The following TCERG1L variants were observed in gnomAD, a reference collection of about 807,000 sequenced individuals.
TCERG1L encodes the protein transcription elongation regulator 1 like.
A neutral mutation model predicts 56.3 loss-of-function variants in TCERG1L; 37 were observed. The observed-to-expected ratio is 0.66, with a 90% CI of 0.51 to 0.87. The LOEUF is 0.87. TCERG1L is among the 40% of genes least tolerant of loss of function. The pLI is 0.00. For synonymous variants in TCERG1L, 324 were observed against 326.3 expected, an observed-to-expected ratio of 0.99 and a Z score of 0.08; for missense variants, 799 against 774.2, an observed-to-expected ratio of 1.03 and a Z score of -0.38.
At chr10:131,183,089 G>A (rs1317033406) in intron 4 of TCERG1L, among the ~76,000 whole-genome samples, 3 of 152,136 alleles carry the variant, frequency 2.0e-5, no homozygotes, top group African/African-American at 4.8e-5. Context: ...CCTCTGCCAA[G>A]GCCAGCCCCG....
intron 4 of TCERG1L, among the ~76,000 whole-genome samples, chr10:131,170,141 A>G (rs541964898): frequency 5.4e-4 from 82 of 152,120 alleles, no homozygotes; most frequent in African/African-American, 1.8e-3. Context: ...ACAGTCATTG[A>G]TTTTGCAGGT....
chr10:131,157,918 A>G (rs1417436749), intron 6 of TCERG1L, among the ~76,000 whole-genome samples: 3 of 152,266 alleles, frequency 2.0e-5, no homozygotes, highest in South Asian at 4.1e-4. Flanking sequence ...GAACTTCGAC[A>G]CCATTTTCAA....
intron 4 of TCERG1L, among the ~76,000 whole-genome samples, chr10:131,225,250 C>T (rs1304087236): frequency 6.6e-6 from 1 of 152,124 alleles, no homozygotes; most frequent in Non-Finnish European, 1.5e-5. Flanking sequence ...TAGGATGGGC[C>T]CTACAAACCA....
chr10:131,101,464 G>C (rs1845303226), intron 10 of TCERG1L, among the ~76,000 whole-genome samples: 1 of 152,250 alleles, frequency 6.6e-6, no homozygotes, highest in Non-Finnish European at 1.5e-5. Flanking sequence ...AGGTATCCAT[G>C]GCACAGAGAG....
chr10:131,156,894 C>T (rs374579913), intron 6 of TCERG1L, among the ~76,000 whole-genome samples: 3 of 152,118 alleles, frequency 2.0e-5, no homozygotes, highest in Non-Finnish European at 2.9e-5. Context: ...TGCCCCTGGC[C>T]GAATAAACCC....
chr10:131,208,192 G>A (rs1046987513), intron 4 of TCERG1L, among the ~76,000 whole-genome samples: 5 of 152,192 alleles, frequency 3.3e-5, no homozygotes, highest in African/African-American at 1.2e-4. Context: ...GAGCCAAAGC[G>A]GTTCCTCCAG....
At chr10:131,157,410 T>C (rs989166045) in intron 6 of TCERG1L, among the ~76,000 whole-genome samples, 5 of 152,256 alleles carry the variant, frequency 3.3e-5, no homozygotes, top group Non-Finnish European at 7.3e-5. Flanking sequence ...AAGATGTTGA[T>C]TAATCATTGT....
chr10:131,102,809 C>T (rs1322456814), intron 10 of TCERG1L, among the ~76,000 whole-genome samples: 1 of 152,122 alleles, frequency 6.6e-6, no homozygotes, highest in Non-Finnish European at 1.5e-5. Flanking sequence ...ATCCACGGGC[C>T]ACACAAACCC....
At chr10:131,107,765 CACAT>C (rs757309241) in intron 9 of TCERG1L, among the ~76,000 whole-genome samples, 14 of 152,220 alleles carry the variant, frequency 9.2e-5, no homozygotes, top group East Asian at 1.9e-4. Flanking sequence ...ACACACACCA[CACAT>C]ACAAACATCC....
intron 4 of TCERG1L, among the ~76,000 whole-genome samples, chr10:131,206,106 A>C (rs1483805112): frequency 6.6e-6 from 1 of 152,252 alleles, no homozygotes; most frequent in Non-Finnish European, 1.5e-5. Flanking sequence ...CCCAGGCGGG[A>C]GAACTGGCTG....
At chr10:131,130,208 G>C (rs776854006) in intron 8 of TCERG1L, among the ~76,000 whole-genome samples, 41 of 152,132 alleles carry the variant, frequency 2.7e-4, no homozygotes, top group Non-Finnish European at 5.7e-4. Context: ...GTGTGCGTGG[G>C]AACTCTCCTT....
rs117247985 is a variant in TCERG1L, at chr10:131,187,102, G to A, written c.857-20217C>T. Reference sequence around the variant, plus strand: ...CCTGTACAACAAGGCAAGTCTGCCAGAGCTGGCATGAGCTCCGAGGGAAAT... The same window carrying A: ...CCTGTACAACAAGGCAAGTCTGCCAAAGCTGGCATGAGCTCCGAGGGAAAT... On this transcript the variant is annotated intron_variant, in intron 4 of 11. Coordinates refer to ENST00000368642, the MANE Select transcript of TCERG1L (RefSeq NM_174937.4). Among the ~76,000 whole-genome samples, 1,100 of 152,310 alleles carry A rather than the reference G, an allele frequency of 7.2e-3. 29 individuals are homozygous for A. In the South Asian group the frequency reaches 0.094, roughly 13 times the overall value.
At chr10:131,296,064 CTTT>C (rs1242211390) in intron 3 of TCERG1L, among the ~76,000 whole-genome samples, 5 of 151,544 alleles carry the variant, frequency 3.3e-5, no homozygotes, top group Non-Finnish European at 7.4e-5. Context: ...CTTTTTTCTG[CTTT>C]TTTATTTTAT....
chr10:131,244,207 C>T (rs1033631159), intron 4 of TCERG1L, among the ~76,000 whole-genome samples: 4 of 152,036 alleles, frequency 2.6e-5, no homozygotes, highest in Non-Finnish European at 5.9e-5. Context: ...GGGCAGGAGG[C>T]CCTTGCTCAT....
At chr10:131,289,478 AGTGT>A (rs371558798) in intron 3 of TCERG1L, among the ~76,000 whole-genome samples, 5,630 of 129,020 alleles carry the variant, frequency 0.044, 138 homozygotes, top group African/African-American at 0.065. Context: ...TGTGTGTGTG[AGTGT>A]ATGTGTGCAC....
chr10:131,255,367 CA>C (rs1257816426), intron 4 of TCERG1L, among the ~76,000 whole-genome samples: 1 of 152,220 alleles, frequency 6.6e-6, no homozygotes, highest in Non-Finnish European at 1.5e-5. Context: ...GTGAAATTAA[CA>C]AAAACTAAAG....
chr10:131,274,625 A>C (rs1389015392), intron 3 of TCERG1L, among the ~76,000 whole-genome samples: 1 of 152,114 alleles, frequency 6.6e-6, no homozygotes, highest in Non-Finnish European at 1.5e-5. Context: ...CCCCAGCGCG[A>C]GGCATTGCTG....
intron 9 of TCERG1L, among the ~76,000 whole-genome samples, chr10:131,114,421 A>T (rs1289979851): frequency 1.9e-5 from 2 of 103,914 alleles, no homozygotes; most frequent in Admixed American, 1.8e-4. Flanking sequence ...AGGTCTGTGT[A>T]TGTGGGCCTC....
At chr10:131,264,458 T>C (rs1846265784) in intron 3 of TCERG1L, among the ~76,000 whole-genome samples, 1 of 152,196 alleles carries the variant, frequency 6.6e-6, no homozygotes, top group South Asian at 2.1e-4. Flanking sequence ...AGTATACAGA[T>C]TTGCACCTGA....
Sources: gnomAD v4.1 joint callset for allele counts (sites outside exome capture counted in the v4.1 genomes callset) on GRCh38, gnomAD v4.1.1 for gene constraint, MANE v1.5 for transcripts, NCBI Gene and HGNC (gene_info 2026-07-23, HGNC 2026-07-21) for gene names.